GRID2: variants seen among roughly 807,000 people sequenced by gnomAD.
GRID2 encodes glutamate receptor ionotropic, delta-2.
GRID2 carries 33 observed loss-of-function variants against 114.8 expected under a neutral mutation model. The observed-to-expected ratio is 0.29, with a 90% confidence interval of 0.22 to 0.38. GRID2 has a LOEUF of 0.38. GRID2 is among the 10% of genes least tolerant of loss of function. GRID2 has a pLI of 1.00. For synonymous variants in GRID2, 505 were observed against 449.9 expected, an observed-to-expected ratio of 1.12 and a Z score of -1.55; for missense variants, 1,184 against 1,257.7, an observed-to-expected ratio of 0.94 and a Z score of 0.89.
At chr4:92,572,687 A>T (rs1231263972) in intron 1 of GRID2, among the ~76,000 whole-genome samples, 1 of 152,068 alleles carries the variant, frequency 6.6e-6, no homozygotes, top group Non-Finnish European at 1.5e-5. Flanking sequence ...TGATCATGGC[A>T]GATAAACTTT....
chr4:92,861,190 TAAC>T (rs1439286635), intron 2 of GRID2, among the ~76,000 whole-genome samples: 2 of 152,012 alleles, frequency 1.3e-5, no homozygotes, highest in African/African-American at 4.8e-5. Context: ...ATCACAAACT[TAAC>T]AACTTAAAAG....
intron 3 of GRID2, among the ~76,000 whole-genome samples, chr4:93,095,871 T>G (rs1020707962): frequency 3.3e-5 from 5 of 152,066 alleles, no homozygotes; most frequent in African/African-American, 1.2e-4. Flanking sequence ...TTTTAAATTG[T>G]TTTTAGAGCC....
At chr4:92,635,485 G>A (rs932451248) in intron 2 of GRID2, among the ~76,000 whole-genome samples, 7 of 151,730 alleles carry the variant, frequency 4.6e-5, no homozygotes, top group Non-Finnish European at 7.4e-5. Flanking sequence ...GGTGTTATTC[G>A]GAAAGTTTTT....
chr4:93,412,423 G>A (rs1410515869), intron 9 of GRID2, among the ~76,000 whole-genome samples: 1 of 152,114 alleles, frequency 6.6e-6, no homozygotes, highest in East Asian at 1.9e-4. Context: ...ATCTCTGATT[G>A]TAGCGTATTT....
At chr4:93,748,242 C>G (rs1023621894) in intron 14 of GRID2, among the ~76,000 whole-genome samples, 1 of 152,072 alleles carries the variant, frequency 6.6e-6, no homozygotes, top group Non-Finnish European at 1.5e-5. Flanking sequence ...AAGCCATCAT[C>G]TAAGAACCTT....
chr4:92,616,777 T>G (rs1730023168), intron 2 of GRID2, among the ~76,000 whole-genome samples: 1 of 151,652 alleles, frequency 6.6e-6, no homozygotes, highest in South Asian at 2.1e-4. Flanking sequence ...GATAATATAT[T>G]ATAGCATATT....
chr4:93,594,822 GC>G (rs1438986078), intron 13 of GRID2, among the ~76,000 whole-genome samples: 1 of 152,172 alleles, frequency 6.6e-6, no homozygotes, highest in Non-Finnish European at 1.5e-5. Flanking sequence ...TTTTCCAGGT[GC>G]CGTCCATCAC....
intron 3 of GRID2, among the ~76,000 whole-genome samples, chr4:93,091,350 G>C (rs780074067): frequency 6.6e-6 from 1 of 152,066 alleles, no homozygotes; most frequent in Non-Finnish European, 1.5e-5. Flanking sequence ...AAGAATAAAA[G>C]AATGGCGATC....
In GRID2 at chr4:93,524,793, A is replaced by G. The variant is rs1324552395; in HGVS notation, c.2193+9382A>G. Among the ~76,000 whole-genome samples the G allele has an allele frequency of 9.3e-5, 8 of 85,652 alleles. 1 individual carries two copies. Among genetic ancestry groups the G allele is most frequent in the African/African-American group, 2.6e-4 (5 of 19,258 alleles). The allele number at this position is 85,652 out of a possible 152,430, so 56.2% of individuals were successfully genotyped here. A position where few individuals can be genotyped will look rare whatever the true frequency, so the allele number is the denominator to read the frequency against. The stretch of plus-strand genomic sequence containing the variant: ...AATATATGTATGTATGTGTATATAT[A>G]TATATATATATATATATATATGTAT... On this transcript the variant is annotated intron_variant, in intron 13 of 15. Coordinates refer to ENST00000282020, the MANE Select transcript of GRID2 (RefSeq NM_001510.4).
chr4:93,553,445 T>C (rs946308849), intron 13 of GRID2, among the ~76,000 whole-genome samples: 6 of 152,178 alleles, frequency 3.9e-5, no homozygotes. Context: ...TTGGAAGAGG[T>C]TTATACGTAT....
At chr4:92,311,542 T>C (rs1725708696) in intron 1 of GRID2, among the ~76,000 whole-genome samples, 3 of 152,120 alleles carry the variant, frequency 2.0e-5, no homozygotes, top group Non-Finnish European at 4.4e-5. Context: ...GGTAGTAAAT[T>C]ATATTACAAT....
intron 13 of GRID2, among the ~76,000 whole-genome samples, chr4:93,625,832 G>A (rs924407590): frequency 6.6e-6 from 1 of 152,116 alleles, no homozygotes; most frequent in Non-Finnish European, 1.5e-5. Flanking sequence ...GGAGAATGGC[G>A]TGAACCCGGG....
At chr4:93,135,155 T>C (rs1735129802) in intron 4 of GRID2, among the ~76,000 whole-genome samples, 1 of 152,154 alleles carries the variant, frequency 6.6e-6, no homozygotes, top group African/African-American at 2.4e-5. Context: ...GCAAACAGAT[T>C]TGATTTAATA....
intron 8 of GRID2, among the ~76,000 whole-genome samples, chr4:93,288,590 T>C (rs1037183767): frequency 1.3e-5 from 2 of 152,154 alleles, no homozygotes; most frequent in African/African-American, 4.8e-5. Context: ...TAACTCTGAG[T>C]TTCCTGGGCT....
intron 11 of GRID2, among the ~76,000 whole-genome samples, chr4:93,458,944 C>T (rs1298604753): frequency 6.6e-6 from 1 of 151,774 alleles, no homozygotes; most frequent in East Asian, 1.9e-4. Flanking sequence ...CTTTGGGAGG[C>T]CGAGGCAGGC....
chr4:92,426,938 G>A (rs1208745090), intron 1 of GRID2, among the ~76,000 whole-genome samples: 1 of 152,082 alleles, frequency 6.6e-6, no homozygotes, highest in African/African-American at 2.4e-5. Flanking sequence ...AGGAGGGTGA[G>A]CATACCTATG....
chr4:93,156,775 G>A (rs992968639), intron 4 of GRID2, among the ~76,000 whole-genome samples: 4 of 151,688 alleles, frequency 2.6e-5, no homozygotes, highest in African/African-American at 9.7e-5. Flanking sequence ...GAGCATAGGA[G>A]AGAGTTCCAG....
intron 2 of GRID2, among the ~76,000 whole-genome samples, chr4:92,868,568 A>G (rs1200889442): frequency 6.6e-6 from 1 of 152,218 alleles, no homozygotes; most frequent in African/African-American, 2.4e-5. Context: ...CTTTAAAACA[A>G]CAAAGGCAAT....
At chr4:92,668,334 G>T (rs1344818844) in intron 2 of GRID2, among the ~76,000 whole-genome samples, 1 of 151,536 alleles carries the variant, frequency 6.6e-6, no homozygotes, top group African/African-American at 2.4e-5. Context: ...AATAATAATG[G>T]TTTATAGAAG....
Sources: allele counts gnomAD v4.1 joint callset (sites outside exome capture counted in the v4.1 genomes callset), GRCh38; gene constraint gnomAD v4.1.1; transcripts MANE v1.5; gene names NCBI Gene and HGNC (gene_info 2026-07-23, HGNC 2026-07-21).